The following MARK1 variants were observed in gnomAD, a reference collection of about 807,000 sequenced individuals.
MARK1 encodes microtubule affinity regulating kinase 1.
MARK1 carries 40 observed loss-of-function variants against 96.3 expected under a neutral mutation model. That is an observed-to-expected ratio of 0.42 (90% CI 0.32 to 0.54). The LOEUF is 0.54. MARK1 is among the 20% of genes least tolerant of loss of function. The pLI is 0.16. For missense variants in MARK1, 719 were observed against 984.6 expected (o/e 0.73, Z 3.61); for synonymous variants, 317 against 341.2 (o/e 0.93, Z 0.78).
intron 13 of MARK1, among the ~76,000 whole-genome samples, chr1:220,648,004 C>T (rs1328069249): frequency 6.6e-6 from 1 of 151,388 alleles, no homozygotes; most frequent in Non-Finnish European, 1.5e-5. Flanking sequence ...ACACATTTAC[C>T]TATGTAACCT....
At position 220,624,388 on chromosome 1, in the gene MARK1, T is replaced by C. The variant is rs113585077; in HGVS notation, c.909+5633T>C. 2.2e-3 allele frequency among the ~76,000 whole-genome samples: 327 copies of C among 150,790 alleles called. 3 individuals carry two copies. Among genetic ancestry groups the C allele is most frequent in the African/African-American group, 7.4e-3 (305 of 41,002 alleles). On this transcript the variant is annotated intron_variant, in intron 9 of 17. Coordinates refer to ENST00000366917, the MANE Select transcript of MARK1 (RefSeq NM_018650.5). ...GCCGAGGTGGGCGGATCACCTGAGG[T>C]TGGGAGTTTGAGAGCAGCCTGACCG...
intron 1 of MARK1, among the ~76,000 whole-genome samples, chr1:220,562,316 A>C (rs1378963909): frequency 6.6e-6 from 1 of 152,110 alleles, no homozygotes; most frequent in Non-Finnish European, 1.5e-5. Flanking sequence ...AATACAAAAA[A>C]AAATTTGCCT....
At chr1:220,583,662 T>C (rs966245946) in intron 3 of MARK1, among the ~76,000 whole-genome samples, 3 of 151,718 alleles carry the variant, frequency 2.0e-5, no homozygotes, top group Non-Finnish European at 4.4e-5. Flanking sequence ...TCTTTTTTTT[T>C]TTTTGAGACA....
At position 220,648,723 on chromosome 1, in the gene MARK1, G is replaced by A. The variant is rs531886795; in HGVS notation, c.1471-1897G>A. Among the ~76,000 whole-genome samples, 9 of 152,294 alleles carry A rather than the reference G, an allele frequency of 5.9e-5. No homozygotes were observed. The South Asian group carries it at 1.9e-3, about 32-fold the overall frequency. On this transcript the variant is annotated intron_variant, in intron 13 of 17. Coordinates refer to ENST00000366917, the MANE Select transcript of MARK1 (RefSeq NM_018650.5). ...AATTAAGTTATTCATATGACAGTTTGGCCAAAATTATGAGATTATCAAAAG... is the reference window on the plus strand; with the variant it reads ...AATTAAGTTATTCATATGACAGTTTAGCCAAAATTATGAGATTATCAAAAG...
chr1:220,549,912 C>T (rs1661748399), intron 1 of MARK1, among the ~76,000 whole-genome samples: 1 of 152,122 alleles, frequency 6.6e-6, no homozygotes, highest in South Asian at 2.1e-4. Flanking sequence ...AATAGATGTT[C>T]AGTAATGGTA....
At chr1:220,603,972 G>A (rs1665911688) in intron 5 of MARK1, 95 bp from the exon 6 acceptor site, 1 of 701,630 alleles carries the variant, frequency 1.4e-6, no homozygotes, top group African/African-American at 1.8e-5. Flanking sequence ...TGGGCCAAAA[G>A]TTTCTTTATA....
chr1:220,645,214 A>G (rs370565176), intron 13 of MARK1, among the ~76,000 whole-genome samples: 1 of 152,150 alleles, frequency 6.6e-6, no homozygotes, highest in Admixed American at 6.6e-5. Context: ...AAATAAGCAC[A>G]ATCAAATGAT....
At chr1:220,646,498 T>C (rs1389462418) in intron 13 of MARK1, among the ~76,000 whole-genome samples, 1 of 152,166 alleles carries the variant, frequency 6.6e-6, no homozygotes, top group African/African-American at 2.4e-5. Context: ...ACTTATAAAT[T>C]CAATGCTATT....
intron 6 of MARK1, among the ~76,000 whole-genome samples, chr1:220,614,968 A>G (rs977972815): frequency 1.3e-5 from 2 of 152,044 alleles, no homozygotes; most frequent in South Asian, 2.1e-4. Flanking sequence ...AAAAAATCTC[A>G]TTTTTGTCTC....
At chr1:220,565,952 G>A (rs79117636) in intron 1 of MARK1, among the ~76,000 whole-genome samples, 1,969 of 152,264 alleles carry the variant, frequency 0.013, 23 homozygotes, top group Middle Eastern at 0.038. Context: ...GAAGGTTTGG[G>A]GAGGTAGCTC....
chr1:220,602,411 G>A (rs1338763737), intron 5 of MARK1, among the ~76,000 whole-genome samples: 1 of 152,104 alleles, frequency 6.6e-6, no homozygotes, highest in East Asian at 1.9e-4. Flanking sequence ...CAAAGACAAA[G>A]TCCCTACCCT....
chr1:220,579,280 T>A (rs760556760), intron 1 of MARK1, 74 bp from the exon 2 acceptor site: 4 of 982,124 alleles, frequency 4.1e-6, no homozygotes, highest in Middle Eastern at 2.3e-4. Flanking sequence ...TAATAATAAT[T>A]ATTTGTACTC....
rs908902182 is a variant in MARK1, at chr1:220,528,467, C to T, written c.-356C>T. Reference sequence around the variant, plus strand: ...TTTGAGGCACCGGCTTCACCTTCACCCATGGTCCGGAGAGCCTAGCGGGGC... The same window carrying T: ...TTTGAGGCACCGGCTTCACCTTCACTCATGGTCCGGAGAGCCTAGCGGGGC... On this transcript the variant is annotated 5_prime_UTR_variant, in exon 1 of 18. Coordinates refer to ENST00000366917, the MANE Select transcript of MARK1 (RefSeq NM_018650.5). 7 of 302,762 alleles carry T rather than the reference C, an allele frequency of 2.3e-5. No homozygotes were observed. Among genetic ancestry groups the T allele is most frequent in the Non-Finnish European group, 3.7e-5 (6 of 164,234 alleles). 18.8% of individuals were successfully genotyped at this position (302,762 alleles called of 1,614,324 possible).
At chr1:220,546,345 G>A (rs1661490898) in intron 1 of MARK1, among the ~76,000 whole-genome samples, 1 of 152,136 alleles carries the variant, frequency 6.6e-6, no homozygotes, top group South Asian at 2.1e-4. Context: ...TGTATTGCGA[G>A]TATGGTTACA....
intron 15 of MARK1, 69 bp downstream of exon 15, chr1:220,652,219 C>A: frequency 7.8e-7 from 1 of 1,275,344 alleles, no homozygotes; most frequent in South Asian, 1.6e-5. Flanking sequence ...TGTGAAAATA[C>A]ATGATAGTCA....
intron 13 of MARK1, among the ~76,000 whole-genome samples, chr1:220,637,260 T>C (rs1000912326): frequency 2.0e-5 from 3 of 151,914 alleles, no homozygotes; most frequent in Non-Finnish European, 4.4e-5. Context: ...AAGAGGAAAA[T>C]AATGAAAATT....
In MARK1 at chr1:220,582,629, G is replaced by C. The variant is rs146615484; in HGVS notation, c.309+1511G>C. Among the ~76,000 whole-genome samples the C allele has an allele frequency of 1.7e-3, 265 of 152,282 alleles. 1 individual carries two copies. The highest frequency in any genetic ancestry group is 6.0e-3 in the African/African-American group (250 of 41,556). On this transcript the variant is annotated intron_variant, in intron 3 of 17. Transcript: ENST00000366917. ...AGAACTACTCAGGCCTGTTGTGCTA[G>C]CTGGAATACACAGCAATGCGACTCC...
Position 220,661,256 on chromosome 1 carries a change from A to T in MARK1, c.2034-556A>T, listed in dbSNP as rs186078991. On this transcript the variant is annotated intron_variant, in intron 17 of 17. Transcript: ENST00000366917. ...GGGAACGTTGTAGACTGTTTTAAGG[A>T]TGTCTTTAGTGAAATGAGAAGTCAC... Among the ~76,000 whole-genome samples the T allele has an allele frequency of 4.8e-3, 728 of 152,220 alleles. 3 individuals are homozygous for T. The highest frequency in any genetic ancestry group is 0.01 in the Middle Eastern group (3 of 294).
intron 3 of MARK1, among the ~76,000 whole-genome samples, chr1:220,583,602 A>G (rs912629447): frequency 2.0e-5 from 3 of 151,676 alleles, no homozygotes; most frequent in African/African-American, 7.2e-5. Context: ...ACCTCATAGA[A>G]TAATGTATTT....
Sources: gnomAD v4.1 joint callset for allele counts (sites outside exome capture counted in the v4.1 genomes callset) on GRCh38, gnomAD v4.1.1 for gene constraint, MANE v1.5 for transcripts, NCBI Gene and HGNC (gene_info 2026-07-23, HGNC 2026-07-21) for gene names.